SV2C: variants seen among roughly 807,000 people sequenced by gnomAD.
SV2C encodes solute carrier family 22 member B3.
SV2C carries 49 observed loss-of-function variants against 79.7 expected under a neutral mutation model. The observed-to-expected ratio is 0.61, with a 90% CI of 0.49 to 0.78. SV2C has a LOEUF of 0.78. SV2C is among the 30% of genes least tolerant of loss of function. SV2C has a pLI of 0.00. For missense variants in SV2C, 833 were observed against 912.9 expected, an observed-to-expected ratio of 0.91 and a Z score of 1.13; for synonymous variants, 334 against 333.2, an observed-to-expected ratio of 1.00 and a Z score of -0.03.
intron 12 of SV2C, among the ~76,000 whole-genome samples, chr5:76,308,556 T>C (rs1399477371): frequency 6.6e-6 from 1 of 152,216 alleles, no homozygotes; most frequent in African/African-American, 2.4e-5. Flanking sequence ...AAAAGTTTTC[T>C]ATCTTGCTAG....
the SV2C span, among the ~76,000 whole-genome samples, chr5:75,890,353 A>G: frequency 6.6e-6 from 1 of 152,116 alleles, no homozygotes; most frequent in African/African-American, 2.4e-5. Context: ...TCTACAGGAT[A>G]GTGTGTCAAT....
the SV2C span, among the ~76,000 whole-genome samples, chr5:75,882,454 C>T: frequency 2.6e-5 from 4 of 151,164 alleles, no homozygotes; most frequent in African/African-American, 9.8e-5. Context: ...CAATCCTAAG[C>T]CAAAAGAACA....
the SV2C span, among the ~76,000 whole-genome samples, chr5:75,914,455 G>A: frequency 4.8e-4 from 73 of 151,930 alleles, no homozygotes; most frequent in African/African-American, 1.8e-3. Context: ...CAGCTCCACA[G>A]GTGGGAACAG....
At chr5:76,020,112 C>T in the SV2C span, among the ~76,000 whole-genome samples, 6 of 152,154 alleles carry the variant, frequency 3.9e-5, no homozygotes, top group South Asian at 2.1e-4. Context: ...AAACAGCCTT[C>T]GAGTCCCCAA....
the SV2C span, among the ~76,000 whole-genome samples, chr5:76,007,403 A>G: frequency 6.6e-6 from 1 of 152,158 alleles, no homozygotes; most frequent in East Asian, 1.9e-4. Context: ...TTGTAAAAAG[A>G]GAGTGATAAC....
chr5:76,291,813 A>G lies in SV2C; in HGVS notation c.1294A>G (p.Asn432Asp), dbSNP rs1747575019. 2.5e-6 allele frequency: 4 copies of G among 1,610,942 alleles called. No homozygotes were observed. The South Asian group carries it at 4.4e-5, about 18-fold the overall frequency. ...ATGTTTCAACTACCCAGTCAGGGATAATACAATAAAGCTTACAATTGTTTG... is the reference window on the plus strand; with the variant it reads ...ATGTTTCAACTACCCAGTCAGGGATGATACAATAAAGCTTACAATTGTTTG... Reference protein sequence around the residue: ...MRCFNYPVRDNTIKLTIVWFT... With the variant: ...MRCFNYPVRDDTIKLTIVWFT... Residue 432 changes from asparagine (N) to aspartate (D), a missense_variant, in exon 8 of 13, where the codon AAT (asparagine) becomes GAT (aspartate). Asn to Asp is a conservative substitution (Grantham distance 23). Coordinates refer to ENST00000502798, the MANE Select transcript of SV2C (RefSeq NM_014979.4).
the SV2C span, among the ~76,000 whole-genome samples, chr5:75,850,964 A>G: frequency 1.3e-5 from 2 of 152,218 alleles, no homozygotes; most frequent in African/African-American, 4.8e-5. Context: ...GTCCTGTATC[A>G]TGAAGAAAGG....
At chr5:76,157,680 G>T (rs961841574) in intron 2 of SV2C, among the ~76,000 whole-genome samples, 5 of 151,830 alleles carry the variant, frequency 3.3e-5, no homozygotes, top group Non-Finnish European at 5.9e-5. Context: ...CTAAGAAAAT[G>T]ACTCTAGTGG....
At chr5:75,849,766 G>T in the SV2C span, among the ~76,000 whole-genome samples, 1,986 of 152,256 alleles carry the variant, frequency 0.013, 46 homozygotes, top group African/African-American at 0.045. Context: ...ATCACTGTAG[G>T]TTTTTAGAAT....
the SV2C span, among the ~76,000 whole-genome samples, chr5:75,937,103 T>A: frequency 6.6e-6 from 1 of 152,248 alleles, no homozygotes; most frequent in East Asian, 1.9e-4. Context: ...TTTAGCAATT[T>A]AAGACATTAA....
the SV2C span, among the ~76,000 whole-genome samples, chr5:75,988,834 C>G: frequency 6.6e-6 from 1 of 151,940 alleles, no homozygotes; most frequent in East Asian, 1.9e-4. Context: ...ACTCTACAGA[C>G]AGGATAGAAA....
chr5:76,122,323 C>G (rs918578594), intron 1 of SV2C, among the ~76,000 whole-genome samples: 1 of 151,348 alleles, frequency 6.6e-6, no homozygotes, highest in Non-Finnish European at 1.5e-5. Context: ...CAAACAGGGA[C>G]AATTTGACTT....
chr5:75,848,143 G>T, the SV2C span, among the ~76,000 whole-genome samples: 1 of 152,208 alleles, frequency 6.6e-6, no homozygotes, highest in South Asian at 2.1e-4. Flanking sequence ...ACCTATTGGT[G>T]TGAGAAGGTC....
At chr5:75,928,927 T>C in the SV2C span, among the ~76,000 whole-genome samples, 4 of 152,256 alleles carry the variant, frequency 2.6e-5, no homozygotes, top group African/African-American at 4.8e-5. Context: ...AAAGAACAAG[T>C]GCATGAAGCA....
chr5:75,912,171 G>T, the SV2C span, among the ~76,000 whole-genome samples: 12 of 143,310 alleles, frequency 8.4e-5, no homozygotes, highest in Non-Finnish European at 1.7e-4. Context: ...ACTATAAAAA[G>T]CAAAAGCATC....
At chr5:76,049,057 G>A in the SV2C span, among the ~76,000 whole-genome samples, 1 of 139,786 alleles carries the variant, frequency 7.2e-6, no homozygotes, top group African/African-American at 2.6e-5. Context: ...GAGGGGAGGG[G>A]CTGGGCGCGG....
chr5:76,130,208 C>T (rs977038249), intron 1 of SV2C, among the ~76,000 whole-genome samples: 7 of 103,596 alleles, frequency 6.8e-5, no homozygotes, highest in Non-Finnish European at 1.1e-4. Flanking sequence ...ACAGAAAAAT[C>T]ATTTACTAAA....
At chr5:76,351,044 G>A (rs1278416797) in intron 12 of SV2C, among the ~76,000 whole-genome samples, 1 of 151,696 alleles carries the variant, frequency 6.6e-6, no homozygotes, top group Non-Finnish European at 1.5e-5. Flanking sequence ...AAGATGGTAT[G>A]CAGAGCACAA....
At chr5:76,229,528 C>T (rs901511721) in intron 4 of SV2C, among the ~76,000 whole-genome samples, 12 of 152,226 alleles carry the variant, frequency 7.9e-5, no homozygotes, top group African/African-American at 2.4e-4. Context: ...TCCTTTAAGA[C>T]TTTCCCACCT....
Sources: gnomAD v4.1 joint callset for allele counts (sites outside exome capture counted in the v4.1 genomes callset) on GRCh38, gnomAD v4.1.1 for gene constraint, MANE v1.5 for transcripts, NCBI Gene and HGNC (gene_info 2026-07-23, HGNC 2026-07-21) for gene names.